Variants in LARP1 observed in about 807,000 individuals in gnomAD.
LARP1 encodes the protein la-related protein 1.
A neutral mutation model predicts 122.7 loss-of-function variants in LARP1; 36 were observed. That is an observed-to-expected ratio of 0.29 (90% CI 0.22 to 0.39). The LOEUF (loss-of-function observed/expected upper bound fraction) is 0.39. Among genes scored for constraint, LARP1 ranks in the 10% least tolerant of loss-of-function variants. The probability of loss-of-function intolerance (pLI) is 1.00; values close to 1 mark genes in which losing one functional copy is unlikely to be tolerated. For synonymous variants in LARP1, 539 were observed against 528.7 expected, an observed-to-expected ratio of 1.02 and a Z score of -0.27; for missense variants, 1,040 against 1,403.6, an observed-to-expected ratio of 0.74 and a Z score of 4.14.
At chr5:154,724,853 G>A (rs1756099228) in intron 1 of LARP1, among the ~76,000 whole-genome samples, 1 of 152,064 alleles carries the variant, frequency 6.6e-6, no homozygotes, top group African/African-American at 2.4e-5. Flanking sequence ...TTTGTGTATA[G>A]ATGGGGTTTC....
In LARP1 at chr5:154,794,012, C is replaced by T. The variant is rs1757553071; in HGVS notation, c.1069+12C>T. 7 of 1,608,320 alleles carry T rather than the reference C, an allele frequency of 4.4e-6. No individual in the cohort carries two copies. The highest frequency in any genetic ancestry group is 6.0e-6 in the Non-Finnish European group (7 of 1,176,168). ...GGGTGGCACTCGAAGTACGTGAGGC[C>T]CCTTTGGGCTCCGGGATGTCCAAGG... On this transcript the variant is annotated intron_variant, in intron 6 of 18. Transcript: ENST00000518297.
chr5:154,685,296 A>G (rs147708104), intron 1 of LARP1, among the ~76,000 whole-genome samples: 3 of 151,094 alleles, frequency 2.0e-5, no homozygotes, highest in Non-Finnish European at 4.4e-5. Flanking sequence ...TGAGCCATGC[A>G]GGGTGGTCAC....
At chr5:154,812,020 A>G (rs1312249892) in intron 18 of LARP1, among the ~76,000 whole-genome samples, 1 of 152,220 alleles carries the variant, frequency 6.6e-6, no homozygotes, top group African/African-American at 2.4e-5. Flanking sequence ...ATTAATGCCC[A>G]GGTCTCTTAT....
At chr5:154,785,592 G>A (rs1756814330) in intron 1 of LARP1, among the ~76,000 whole-genome samples, 1 of 152,216 alleles carries the variant, frequency 6.6e-6, no homozygotes, top group South Asian at 2.1e-4. Context: ...GTGAGGAGCA[G>A]AGTAGGTAGG....
chr5:154,774,205 C>T (rs1307905215), intron 1 of LARP1, among the ~76,000 whole-genome samples: 1 of 152,178 alleles, frequency 6.6e-6, no homozygotes, highest in Non-Finnish European at 1.5e-5. Flanking sequence ...TGGGTTAGCC[C>T]TCAGATGAAA....
intron 1 of LARP1, among the ~76,000 whole-genome samples, chr5:154,787,644 C>A (rs529160128): frequency 8.3e-4 from 126 of 152,258 alleles, no homozygotes; most frequent in Non-Finnish European, 1.3e-4. Flanking sequence ...TTGGCTTTTT[C>A]TGCCTTTCTG....
At chr5:154,789,823 GGT>G (rs1007223036) in intron 1 of LARP1, among the ~76,000 whole-genome samples, 2 of 152,158 alleles carry the variant, frequency 1.3e-5, no homozygotes, top group African/African-American at 2.4e-5. Flanking sequence ...AGCTGGCCCT[GGT>G]GTGGTCCCTA....
intron 1 of LARP1, among the ~76,000 whole-genome samples, chr5:154,704,335 T>A (rs1466245515): frequency 1.3e-5 from 2 of 151,898 alleles, no homozygotes; most frequent in Non-Finnish European, 2.9e-5. Context: ...CAGTGTTAGG[T>A]GGTGAGTGCT....
At chr5:154,725,087 A>T (rs1166598216) in intron 1 of LARP1, among the ~76,000 whole-genome samples, 12 of 151,802 alleles carry the variant, frequency 7.9e-5, no homozygotes, top group Admixed American at 6.6e-4. Flanking sequence ...TCTACAAAAA[A>T]ACTTTAAAAT....
chr5:154,753,107 C>T (rs553608579), upstream of LARP1, among the ~76,000 whole-genome samples: 2 of 152,088 alleles, frequency 1.3e-5, no homozygotes, highest in East Asian at 1.9e-4. Context: ...GTAGCATGAA[C>T]GAGTTTCTTG....
At chr5:154,784,403 A>G (rs1381950660) in intron 1 of LARP1, among the ~76,000 whole-genome samples, 1 of 152,234 alleles carries the variant, frequency 6.6e-6, no homozygotes, top group African/African-American at 2.4e-5. Context: ...ATGGTAGCAG[A>G]TGGGTGAGTG....
chr5:154,816,021 A>T lies in LARP1; in HGVS notation c.*1925A>T, dbSNP rs1759643030. ...GGTTGGGAGTAGGAGACAGTATCCC[A>T]GGCTGACAAGGGCTTGCCCTTTACC... On this transcript the variant is annotated 3_prime_UTR_variant, in exon 19 of 19. Coordinates refer to ENST00000518297, the MANE Select transcript of LARP1 (RefSeq NM_033551.3). 6.6e-6 allele frequency: 1 copy of T among 152,424 alleles called. No homozygotes were observed. The highest frequency in any genetic ancestry group is 1.5e-5 in the Non-Finnish European group (1 of 68,046). 9.4% of individuals were successfully genotyped at this position (152,424 alleles called of 1,614,324 possible).
intron 1 of LARP1, among the ~76,000 whole-genome samples, chr5:154,762,070 G>A (rs1051346538): frequency 7.9e-5 from 12 of 152,056 alleles, no homozygotes; most frequent in African/African-American, 2.4e-4. Context: ...GTGAAACCTC[G>A]TCTCTACTAA....
chr5:154,794,176 C>T lies in LARP1; in HGVS notation c.1146C>T (p.Asn382=), dbSNP rs1031737172. 8 of 1,614,090 alleles carry T rather than the reference C, an allele frequency of 5.0e-6. No homozygotes were observed. In the East Asian group the frequency reaches 1.6e-4, roughly 31 times the overall value. ...CTCGTACGCCCAAGTACATGAACAACATCACCTACTACTTTGACAATGTCA... is the reference window on the plus strand; with the variant it reads ...CTCGTACGCCCAAGTACATGAACAATATCACCTACTACTTTGACAATGTCA... The part of the protein sequence containing the change: ...EGPRTPKYMN[N]ITYYFDNVSS... Residue 382 remains asparagine, a synonymous_variant, in exon 7 of 19, where the codon AAC becomes AAT. Transcript: ENST00000518297.
intron 1 of LARP1, among the ~76,000 whole-genome samples, chr5:154,730,313 C>G (rs113431653): frequency 6.6e-6 from 1 of 151,740 alleles, no homozygotes; most frequent in Non-Finnish European, 1.5e-5. Context: ...CTCAGCCTCC[C>G]GAGTAGCTGC....
chr5:154,719,477 C>A (rs1755721261), intron 1 of LARP1, among the ~76,000 whole-genome samples: 1 of 152,216 alleles, frequency 6.6e-6, no homozygotes, highest in Non-Finnish European at 1.5e-5. Context: ...GGAAACCAAT[C>A]ATCCTGAAAT....
At chr5:154,712,543 C>A (rs1214560043), upstream of LARP1, among the ~76,000 whole-genome samples, 2 of 152,214 alleles carry the variant, frequency 1.3e-5, no homozygotes, top group Admixed American at 6.5e-5. Flanking sequence ...ATCATGTAGT[C>A]TGAACCGCAC....
intron 3 of LARP1, among the ~76,000 whole-genome samples, chr5:154,791,152 T>C (rs1757312476): frequency 7.0e-6 from 1 of 142,782 alleles, no homozygotes; most frequent in Non-Finnish European, 1.5e-5. Context: ...TTTTTTTTTT[T>C]GAGATGGAGT....
At chr5:154,726,015 T>C (rs1311675085) in intron 1 of LARP1, among the ~76,000 whole-genome samples, 1 of 65,778 alleles carries the variant, frequency 1.5e-5, no homozygotes, top group East Asian at 3.6e-4. Context: ...AATTTTTGTA[T>C]TTTTAGTAGA....
Sources: allele counts gnomAD v4.1 joint callset (sites outside exome capture counted in the v4.1 genomes callset), GRCh38; gene constraint gnomAD v4.1.1; transcripts MANE v1.5; gene names NCBI Gene and HGNC (gene_info 2026-07-23, HGNC 2026-07-21).